PCSK5: variants seen among roughly 807,000 people sequenced by gnomAD.
The protein encoded by PCSK5 is prohormone convertase 5.
PCSK5 carries 129 observed loss-of-function variants against 233.2 expected under a neutral mutation model. That is an observed-to-expected ratio of 0.55 (90% CI 0.48 to 0.64). The LOEUF (loss-of-function observed/expected upper bound fraction) is 0.64. Among genes scored for constraint, PCSK5 ranks in the 30% least tolerant of loss-of-function variants. The pLI, the probability that PCSK5 is intolerant of heterozygous loss-of-function variation, is 0.00. For synonymous variants in PCSK5, 825 were observed against 879.2 expected (o/e 0.94, Z 1.09); for missense variants, 2,076 against 2,430.1 (o/e 0.85, Z 3.06).
chr9:76,026,836 G>A (rs1828444574), intron 4 of PCSK5, 125 bp from the exon 5 acceptor site: 2 of 615,632 alleles, frequency 3.2e-6, no homozygotes, highest in African/African-American at 3.7e-5. Flanking sequence ...ACCGTGAGGT[G>A]AGCGTATTAG....
chr9:76,351,480 GAAAGA>G lies in PCSK5; in HGVS notation c.5067+555_5067+559del, dbSNP rs1830136308. ...AGAAAGAAAGAAAGAAAGAAAGAAA[GAAAGA>G]AAGAAAGAAAGAAAGAAAGAAAGAA... On this transcript the variant is annotated intron_variant, in intron 36 of 37. Transcript: ENST00000674117. Among the ~76,000 whole-genome samples the G allele has an allele frequency of 2.7e-5, 2 of 73,506 alleles. 1 individual carries two copies. Among genetic ancestry groups the G allele is most frequent in the African/African-American group, 9.7e-5 (2 of 20,520 alleles). The allele number at this position is 73,506 out of a possible 152,430, so 48.2% of individuals were successfully genotyped here.
intron 3 of PCSK5, among the ~76,000 whole-genome samples, chr9:75,992,847 G>A (rs1826833140): frequency 6.6e-6 from 1 of 152,036 alleles, no homozygotes; most frequent in South Asian, 2.1e-4. Context: ...TGGTTTTTCT[G>A]AAGGAAAAAA....
At chr9:76,263,673 A>G (rs1418833241) in intron 24 of PCSK5, among the ~76,000 whole-genome samples, 1 of 152,028 alleles carries the variant, frequency 6.6e-6, no homozygotes, top group Non-Finnish European at 1.5e-5. Context: ...CATATACCTA[A>G]TGCTAAATGA....
intron 17 of PCSK5, among the ~76,000 whole-genome samples, chr9:76,188,096 G>C (rs1161986873): frequency 6.6e-6 from 1 of 152,148 alleles, no homozygotes. Context: ...CTGTGGGTTG[G>C]ACAGGATGGT....
intron 3 of PCSK5, among the ~76,000 whole-genome samples, chr9:76,011,766 T>G (rs1827738237): frequency 6.6e-6 from 1 of 152,306 alleles, no homozygotes; most frequent in African/African-American, 2.4e-5. Context: ...TTGCTCTGAT[T>G]TGCCCTTCCA....
intron 5 of PCSK5, among the ~76,000 whole-genome samples, chr9:76,055,955 A>G (rs1829806154): frequency 6.6e-6 from 1 of 152,208 alleles, no homozygotes. Context: ...TCAATTTTGC[A>G]CAATATGTTG....
At chr9:76,217,963 C>T (rs1224724362) in intron 20 of PCSK5, among the ~76,000 whole-genome samples, 1 of 152,186 alleles carries the variant, frequency 6.6e-6, no homozygotes, top group Non-Finnish European at 1.5e-5. Flanking sequence ...ATGTGCTCCA[C>T]CTCAATGAGG....
intron 24 of PCSK5, among the ~76,000 whole-genome samples, chr9:76,262,851 T>C (rs1827220835): frequency 6.6e-6 from 1 of 150,454 alleles, no homozygotes; most frequent in African/African-American, 2.4e-5. Flanking sequence ...ACCTACAAAA[T>C]GGGAGGAAAT....
chr9:76,069,290 C>T (rs2131598192), intron 6 of PCSK5, among the ~76,000 whole-genome samples: 1 of 152,118 alleles, frequency 6.6e-6, no homozygotes, highest in Non-Finnish European at 1.5e-5. Flanking sequence ...CAGGTCAGCC[C>T]TTCTCATGGT....
In PCSK5 at chr9:76,201,305, T is replaced by G. The variant is rs562660897; in HGVS notation, c.2626+11559T>G. On this transcript the variant is annotated intron_variant, in intron 20 of 37. Transcript: ENST00000674117. Reference sequence around the variant, plus strand: ...AACAATGAAAACAGTAACCCCCATATGCGGAGTACTTCCTATATGCTGAGC... The same window carrying G: ...AACAATGAAAACAGTAACCCCCATAGGCGGAGTACTTCCTATATGCTGAGC... Among the ~76,000 whole-genome samples, 6 of 152,326 alleles carry G rather than the reference T, an allele frequency of 3.9e-5. No homozygotes were observed. In the South Asian group the frequency reaches 1.2e-3, roughly 32 times the overall value.
At chr9:76,096,887 C>T (rs1282792437) in intron 8 of PCSK5, among the ~76,000 whole-genome samples, 3 of 151,864 alleles carry the variant, frequency 2.0e-5, no homozygotes, top group African/African-American at 7.3e-5. Context: ...CAGGCGTGAG[C>T]CACTGCGCCC....
At chr9:76,226,712 A>T (rs1825905115) in intron 20 of PCSK5, among the ~76,000 whole-genome samples, 1 of 152,122 alleles carries the variant, frequency 6.6e-6, no homozygotes, top group African/African-American at 2.4e-5. Flanking sequence ...AATTTTTTTT[A>T]AGACAATAGC....
At chr9:76,341,719 T>C (rs1391464553) in intron 35 of PCSK5, among the ~76,000 whole-genome samples, 2 of 152,230 alleles carry the variant, frequency 1.3e-5, no homozygotes, top group Non-Finnish European at 2.9e-5. Context: ...TCTCACAGTC[T>C]AGAAATTTTT....
chr9:76,019,323 G>A (rs1828082184), intron 3 of PCSK5, among the ~76,000 whole-genome samples: 1 of 151,106 alleles, frequency 6.6e-6, no homozygotes, highest in African/African-American at 2.4e-5. Flanking sequence ...TTGAGTATAT[G>A]TACCCTTTAC....
chr9:76,116,953 T>C (rs970112457), intron 9 of PCSK5, among the ~76,000 whole-genome samples: 1 of 152,078 alleles, frequency 6.6e-6, no homozygotes, highest in Non-Finnish European at 1.5e-5. Flanking sequence ...TATGGATAGG[T>C]ATCTATTCAG....
intron 12 of PCSK5, among the ~76,000 whole-genome samples, chr9:76,160,227 T>C (rs970021272): frequency 2.0e-5 from 3 of 152,172 alleles, no homozygotes; most frequent in African/African-American, 4.8e-5. Flanking sequence ...CTGTATTTTG[T>C]ACAGGCCAAG....
chr9:76,037,187 A>G (rs1176558202), intron 5 of PCSK5, among the ~76,000 whole-genome samples: 1 of 152,200 alleles, frequency 6.6e-6, no homozygotes, highest in African/African-American at 2.4e-5. Flanking sequence ...CATCGCTTGC[A>G]GAGACTCCAA....
intron 3 of PCSK5, among the ~76,000 whole-genome samples, chr9:76,019,660 G>A (rs1037348747): frequency 6.6e-6 from 1 of 152,100 alleles, no homozygotes; most frequent in East Asian, 1.9e-4. Flanking sequence ...GGTATAAACT[G>A]TCTTTCATTG....
At chr9:76,170,983 A>G (rs1053518790) in intron 13 of PCSK5, among the ~76,000 whole-genome samples, 1 of 152,174 alleles carries the variant, frequency 6.6e-6, no homozygotes, top group Non-Finnish European at 1.5e-5. Flanking sequence ...AGGGAGGTCA[A>G]AGCCAGAATG....
Sources: gnomAD v4.1 joint callset for allele counts (sites outside exome capture counted in the v4.1 genomes callset) on GRCh38, gnomAD v4.1.1 for gene constraint, MANE v1.5 for transcripts, NCBI Gene and HGNC (gene_info 2026-07-23, HGNC 2026-07-21) for gene names.